TANGO6: variants seen among roughly 807,000 people sequenced by gnomAD.
TANGO6 encodes transport and Golgi organization protein 6 homolog.
Under a neutral mutation model 114.2 loss-of-function variants are expected in TANGO6, and 90 were observed. The observed-to-expected ratio is 0.79, with a 90% CI of 0.66 to 0.94. TANGO6 has a LOEUF of 0.94. Ranked by LOEUF, TANGO6 falls within the 40% of genes least tolerant of loss-of-function variation. The pLI is 0.00. For synonymous variants in TANGO6, 477 were observed against 509.8 expected (o/e 0.94, Z 0.87); for missense variants, 1,274 against 1,315.3 (o/e 0.97, Z 0.49).
intron 5 of TANGO6, among the ~76,000 whole-genome samples, chr16:68,876,430 G>T (rs562226999): frequency 3.9e-4 from 60 of 152,174 alleles, no homozygotes; most frequent in South Asian, 6.2e-4. Context: ...CGAAGTGCTG[G>T]GATTATAGGC....
At chr16:69,010,822 T>C (rs922964560) in intron 15 of TANGO6, among the ~76,000 whole-genome samples, 1 of 152,240 alleles carries the variant, frequency 6.6e-6, no homozygotes, top group Admixed American at 6.5e-5. Flanking sequence ...ACATTCAATG[T>C]TTTCATTGAA....
chr16:68,936,238 G>A (rs1360518762), intron 14 of TANGO6, among the ~76,000 whole-genome samples: 2 of 152,118 alleles, frequency 1.3e-5, no homozygotes, highest in African/African-American at 4.8e-5. Flanking sequence ...GTGTACATTA[G>A]ATATTTGGGC....
At chr16:68,894,482 G>A (rs1962676735) in intron 7 of TANGO6, among the ~76,000 whole-genome samples, 1 of 152,034 alleles carries the variant, frequency 6.6e-6, no homozygotes, top group East Asian at 1.9e-4. Flanking sequence ...GGAGGAAGGG[G>A]AGGTGTTACA....
At chr16:69,030,028 A>C (rs951366449) in intron 16 of TANGO6, among the ~76,000 whole-genome samples, 2 of 151,412 alleles carry the variant, frequency 1.3e-5, no homozygotes, top group African/African-American at 4.9e-5. Flanking sequence ...GAATTGCATG[A>C]ACCTAGCAGG....
At chr16:68,906,312 G>A (rs1160256866) in intron 9 of TANGO6, among the ~76,000 whole-genome samples, 5 of 151,868 alleles carry the variant, frequency 3.3e-5, no homozygotes, top group African/African-American at 4.8e-5. Flanking sequence ...TTCTTATCTC[G>A]GCTAATTGGT....
intron 7 of TANGO6, chr16:68,885,515 A>G (rs930973385): frequency 1.3e-5 from 2 of 152,182 alleles, no homozygotes; most frequent in Admixed American, 6.5e-5. Context: ...AGATTTGCCT[A>G]TTCTGGACAT....
intron 14 of TANGO6, among the ~76,000 whole-genome samples, chr16:68,950,707 A>G (rs930686014): frequency 7.1e-6 from 1 of 141,330 alleles, no homozygotes; most frequent in Non-Finnish European, 1.5e-5. Flanking sequence ...AAAAGTACTA[A>G]AATTAGCCAG....
intron 17 of TANGO6, among the ~76,000 whole-genome samples, chr16:69,063,788 T>C (rs1350348533): frequency 8.8e-6 from 1 of 113,812 alleles, no homozygotes; most frequent in Non-Finnish European, 1.7e-5. Flanking sequence ...ACTTTTCTTC[T>C]TCTTCTTCTT....
At position 68,977,846 on chromosome 16, in the gene TANGO6, C is replaced by T. The variant is rs557096128; in HGVS notation, c.2842+3678C>T. 1.8e-4 allele frequency among the ~76,000 whole-genome samples: 27 copies of T among 151,522 alleles called. No individual in the cohort carries two copies. The South Asian group carries it at 3.1e-3, about 18-fold the overall frequency. ...GACCACAGGCCCACACCACCACGCCCGGCTAATTTTTGTATTTTTAGTAGA... is the reference window on the plus strand; with the variant it reads ...GACCACAGGCCCACACCACCACGCCTGGCTAATTTTTGTATTTTTAGTAGA... On this transcript the variant is annotated intron_variant, in intron 15 of 17. Coordinates refer to ENST00000261778, the MANE Select transcript of TANGO6 (RefSeq NM_024562.2).
intron 9 of TANGO6, among the ~76,000 whole-genome samples, chr16:68,903,875 T>C (rs1962815800): frequency 6.6e-6 from 1 of 151,820 alleles, no homozygotes; most frequent in Admixed American, 6.6e-5. Context: ...TAAGCCAAGA[T>C]TGCGCCACTG....
rs902028055 is a variant in TANGO6 at position 68,902,288 on chromosome 16, G to A, written c.1491-40G>A. 11 of 1,571,392 alleles carry A rather than the reference G, an allele frequency of 7.0e-6. No individual in the cohort carries two copies. The African/African-American group carries it at 1.5e-4, about 21-fold the overall frequency. On this transcript the variant is annotated intron_variant, in intron 8 of 17. Transcript: ENST00000261778. Reference sequence around the variant, plus strand: ...TATGTTAGCTTGTTAGATGCATGGAGTAAGATGACAAGCTCATTCATAACT... The same window carrying A: ...TATGTTAGCTTGTTAGATGCATGGAATAAGATGACAAGCTCATTCATAACT...
chr16:68,844,402 C>T (rs935563116), intron 1 of TANGO6, among the ~76,000 whole-genome samples: 3 of 152,106 alleles, frequency 2.0e-5, no homozygotes, highest in Admixed American at 2.0e-4. Context: ...TACTGAACCC[C>T]CTTCTCAGAA....
At chr16:69,079,996 G>A (rs1239489136) in intron 17 of TANGO6, among the ~76,000 whole-genome samples, 1 of 152,172 alleles carries the variant, frequency 6.6e-6, no homozygotes, top group African/African-American at 2.4e-5. Context: ...TGAGGTGGGA[G>A]AATCACTTGA....
intron 14 of TANGO6, among the ~76,000 whole-genome samples, chr16:68,932,848 A>G (rs934069244): frequency 3.3e-5 from 5 of 152,176 alleles, no homozygotes; most frequent in Non-Finnish European, 1.5e-5. Context: ...AATAAATTAT[A>G]AACTTCAGTT....
At position 68,926,386 on chromosome 16, in the gene TANGO6, C is replaced by T. The variant is rs889840702; in HGVS notation, c.2128-1182C>T. ...GCGTGTGCCTGTAGTCCCAGCTACT[C>T]GGGAGGCTGAGGCAGGAGAATGGCG... On this transcript the variant is annotated intron_variant, in intron 12 of 17. Transcript: ENST00000261778. 3.3e-5 allele frequency among the ~76,000 whole-genome samples: 5 copies of T among 150,694 alleles called. No individual in the cohort carries two copies. The South Asian group carries it at 6.3e-4, about 19-fold the overall frequency.
Position 69,083,706 on chromosome 16 carries a change from C to A in TANGO6, c.*45C>A. ...GAGGAGGCAGGCAGGGCCAGGCACCCAGAGCCGTGCCCAGGTCTTCCAGCA... is the reference window on the plus strand; with the variant it reads ...GAGGAGGCAGGCAGGGCCAGGCACCAAGAGCCGTGCCCAGGTCTTCCAGCA... On this transcript the variant is annotated 3_prime_UTR_variant, in exon 18 of 18. Coordinates refer to ENST00000261778, the MANE Select transcript of TANGO6 (RefSeq NM_024562.2). 6.5e-7 allele frequency: 1 copy of A among 1,532,832 alleles called. No individual in the cohort carries two copies. The highest frequency in any genetic ancestry group is 8.8e-7 in the Non-Finnish European group (1 of 1,136,814). 95.0% of individuals were successfully genotyped at this position (1,532,832 alleles called of 1,614,324 possible). A position where few individuals can be genotyped will look rare whatever the true frequency, so the allele number is the denominator to read the frequency against.
intron 5 of TANGO6, among the ~76,000 whole-genome samples, chr16:68,877,606 C>T (rs1469655253): frequency 1.3e-5 from 2 of 150,590 alleles, no homozygotes; most frequent in Non-Finnish European, 3.0e-5. Flanking sequence ...GAGAGGTGGG[C>T]AAAAAAAATT....
intron 15 of TANGO6, among the ~76,000 whole-genome samples, chr16:68,991,596 G>A (rs1196104883): frequency 1.3e-5 from 2 of 152,066 alleles, no homozygotes; most frequent in East Asian, 1.9e-4. Context: ...AGCCAAGATC[G>A]CACCACTGTA....
chr16:68,878,024 T>G (rs1156304083), intron 5 of TANGO6, 94 bp from the exon 6 acceptor site: 1 of 1,102,470 alleles, frequency 9.1e-7, no homozygotes, highest in African/African-American at 1.6e-5. Context: ...GGTGAATTTA[T>G]TTTTTGTCTT....
Sources: gnomAD v4.1 joint callset for allele counts (sites outside exome capture counted in the v4.1 genomes callset) on GRCh38, gnomAD v4.1.1 for gene constraint, MANE v1.5 for transcripts, NCBI Gene and HGNC (gene_info 2026-07-23, HGNC 2026-07-21) for gene names.